ARHGEF7: variants seen among roughly 807,000 people sequenced by gnomAD.
The protein encoded by ARHGEF7 is Rho guanine nucleotide exchange factor 7.
In ARHGEF7, 33 loss-of-function variants were observed where a neutral mutation model predicts 109.8. The observed-to-expected ratio is 0.30, with a 90% CI of 0.23 to 0.40. The LOEUF (loss-of-function observed/expected upper bound fraction) is 0.40. ARHGEF7 is among the 10% of genes least tolerant of loss of function. The pLI, the probability that ARHGEF7 is intolerant of heterozygous loss-of-function variation, is 1.00. For missense variants in ARHGEF7, 938 were observed against 1,098.5 expected (o/e 0.85, Z 2.07); for synonymous variants, 458 against 424.6 (o/e 1.08, Z -0.97).
At chr13:111,283,939 T>C (rs2092908085) in intron 16 of ARHGEF7, among the ~76,000 whole-genome samples, 2 of 152,196 alleles carry the variant, frequency 1.3e-5, no homozygotes, top group South Asian at 4.1e-4. Context: ...GCAAATAAAG[T>C]ACGATTCCAA....
chr13:111,181,649 T>G (rs988810776), intron 2 of ARHGEF7, among the ~76,000 whole-genome samples: 1 of 152,088 alleles, frequency 6.6e-6, no homozygotes, highest in Non-Finnish European at 1.5e-5. Context: ...TGAGGGAGTA[T>G]AGAGGTGAAC....
At chr13:111,281,817 C>T (rs1249105361) in intron 15 of ARHGEF7, among the ~76,000 whole-genome samples, 1 of 152,178 alleles carries the variant, frequency 6.6e-6, no homozygotes, top group Non-Finnish European at 1.5e-5. Context: ...GGGAAGGCAT[C>T]CCTTCAGCGG....
chr13:111,251,480 C>T (rs555248033), intron 8 of ARHGEF7, among the ~76,000 whole-genome samples: 23 of 152,164 alleles, frequency 1.5e-4, no homozygotes, highest in African/African-American at 5.1e-4. Context: ...TAAAAGGAAC[C>T]GTATGCTCTG....
intron 6 of ARHGEF7, among the ~76,000 whole-genome samples, chr13:111,243,243 G>C (rs2088132564): frequency 6.6e-6 from 1 of 152,034 alleles, no homozygotes; most frequent in African/African-American, 2.4e-5. Flanking sequence ...TTTTAGTTGA[G>C]AGTAATATTA....
Position 111,273,925 on chromosome 13 carries a change from G to T in ARHGEF7, c.1185G>T (p.Leu395=). Residue 395 remains leucine, a synonymous_variant, in exon 10 of 22, where the codon CTG becomes CTT. Coordinates refer to ENST00000646102, the MANE Select transcript of ARHGEF7 (RefSeq NM_001354046.2). This position sits in a 1 kb window ranked among gnomAD's most constrained non-coding sequence, Gnocchi z 4.5. ...TGCGCCTGGATAAATACCCTACGCT[G>T]CTCAAAGAGCTCGAGAGACACATGG... ...PFMRLDKYPT[L]LKELERHMED... is the part of the protein sequence containing the mutation. The T allele has an allele frequency of 1.2e-6, 2 of 1,614,124 alleles. No individual in the cohort carries two copies. The highest frequency in any genetic ancestry group is 2.7e-5 in the African/African-American group (2 of 75,032).
chr13:111,275,687 G>C lies in ARHGEF7; in HGVS notation c.1419+9G>C, dbSNP rs1595439693. 1 of 1,614,054 alleles carries C rather than the reference G, an allele frequency of 6.2e-7. No individual in the cohort carries two copies. The highest frequency in any genetic ancestry group is 1.6e-4 in the Middle Eastern group (1 of 6,062). On this transcript the variant is annotated intron_variant, in intron 12 of 21. Transcript: ENST00000646102. Reference sequence around the variant, plus strand: ...AGTGTGCCGGAAGTGAGGTACTGCTGCCCACATGCACGCACCAGGGTTTCT... The same window carrying C: ...AGTGTGCCGGAAGTGAGGTACTGCTCCCCACATGCACGCACCAGGGTTTCT...
intron 6 of ARHGEF7, among the ~76,000 whole-genome samples, chr13:111,235,241 T>C (rs990851064): frequency 1.3e-5 from 2 of 152,276 alleles, no homozygotes; most frequent in East Asian, 1.9e-4. Context: ...GGGCATTCTT[T>C]AGTTTCTCCA....
intron 1 of ARHGEF7, among the ~76,000 whole-genome samples, chr13:111,134,333 G>C: frequency 6.6e-6 from 1 of 152,168 alleles, no homozygotes; most frequent in East Asian, 1.9e-4. Context: ...GGGTCAAATA[G>C]TATTTCTAGT....
chr13:111,199,058 G>C (rs991286915), intron 2 of ARHGEF7, among the ~76,000 whole-genome samples: 4 of 152,202 alleles, frequency 2.6e-5, no homozygotes, highest in Non-Finnish European at 5.9e-5. Flanking sequence ...TAGCTAGACA[G>C]AAAAGTTCTG....
chr13:111,181,221 C>G (rs923157638), intron 2 of ARHGEF7, among the ~76,000 whole-genome samples: 1 of 152,008 alleles, frequency 6.6e-6, no homozygotes, highest in Non-Finnish European at 1.5e-5. Flanking sequence ...ACATTGATCA[C>G]ATGGGGGTCT....
chr13:111,229,838 G>T (rs562356527), intron 5 of ARHGEF7, among the ~76,000 whole-genome samples: 2 of 152,308 alleles, frequency 1.3e-5, no homozygotes, highest in South Asian at 4.1e-4. Flanking sequence ...AGCAGGTGCG[G>T]GCTCTGGGTT....
At chr13:111,208,484 T>C (rs539129702) in intron 3 of ARHGEF7, among the ~76,000 whole-genome samples, 1 of 152,214 alleles carries the variant, frequency 6.6e-6, no homozygotes, top group African/African-American at 2.4e-5. Flanking sequence ...TCAAGGCATT[T>C]AGTTGACTGT....
intron 5 of ARHGEF7, among the ~76,000 whole-genome samples, chr13:111,229,323 G>C (rs1184715689): frequency 6.6e-6 from 1 of 152,122 alleles, no homozygotes; most frequent in Non-Finnish European, 1.5e-5. Flanking sequence ...TTGCGTATCT[G>C]TTTGTTTCAC....
At chr13:111,299,913 C>T (rs2093525121) in intron 19 of ARHGEF7, among the ~76,000 whole-genome samples, 1 of 152,114 alleles carries the variant, frequency 6.6e-6, no homozygotes, top group Non-Finnish European at 1.5e-5. Context: ...TAGATTATAG[C>T]CTTCTGATTT....
chr13:111,275,551 G>A lies in ARHGEF7; in HGVS notation c.1292G>A (p.Arg431Gln), dbSNP rs2092427083. The A allele has an allele frequency of 1.2e-6, 2 of 1,613,816 alleles. No homozygotes were observed. The highest frequency in any genetic ancestry group is 1.7e-5 in the Admixed American group (1 of 60,002). ...TGTCAGGCCCAATGTCAAGAAGTCC[G>A]GAAGAGGAAAGAGCTTGAGCTGCAG... ...KNLSAQCQEV[R>Q]KRKELELQIL... is the part of the protein sequence containing the mutation. The change falls in exon 12 of 22, where the codon CGG becomes CAG. Residue 431 changes from arginine (R) to glutamine (Q), a missense_variant. Physicochemically the swap from Arg to Gln is conservative, Grantham distance 43 (BLOSUM62 1). This residue lies in a region of ARHGEF7 where 585 missense variants were observed against 723.6 expected (regional missense o/e 0.81). Transcript: ENST00000646102.
intron 8 of ARHGEF7, among the ~76,000 whole-genome samples, chr13:111,245,048 C>A (rs1440768757): frequency 6.6e-6 from 1 of 152,126 alleles, no homozygotes; most frequent in Non-Finnish European, 1.5e-5. Flanking sequence ...CCAATTTGTT[C>A]CACTTTTGAA....
At chr13:111,290,507 T>G (rs747346365) in intron 18 of ARHGEF7, among the ~76,000 whole-genome samples, 16 of 152,056 alleles carry the variant, frequency 1.1e-4, no homozygotes, top group Non-Finnish European at 1.9e-4. Context: ...CCAAGGGGAG[T>G]CCTGGAACCA....
intron 19 of ARHGEF7, 174 bp downstream of exon 19, chr13:111,292,468 A>G: frequency 2.1e-6 from 3 of 1,441,664 alleles, no homozygotes; most frequent in Non-Finnish European, 2.7e-6. Flanking sequence ...TTCCCATTGT[A>G]CTTTGTGGAG....
chr13:111,279,880 C>A (rs537914211), intron 13 of ARHGEF7, among the ~76,000 whole-genome samples: 1 of 152,300 alleles, frequency 6.6e-6, no homozygotes, highest in African/African-American at 2.4e-5. Context: ...CTCTGCATTT[C>A]TTTACGAGGA....
Sources: allele counts gnomAD v4.1 joint callset (sites outside exome capture counted in the v4.1 genomes callset), GRCh38; gene constraint gnomAD v4.1.1; regional missense constraint gnomAD v4.1.1; non-coding constraint Gnocchi (gnomAD v3.1); transcripts MANE v1.5; gene names NCBI Gene and HGNC (gene_info 2026-07-23, HGNC 2026-07-21).